The following GABRA3 variants were observed in gnomAD, a reference collection of about 807,000 sequenced individuals.
GABRA3 encodes gamma-aminobutyric acid type A receptor subunit alpha3, also known as gamma-aminobutyric acid receptor subunit alpha-3.
Under a neutral mutation model 30.1 loss-of-function variants are expected in GABRA3, and 10 were observed. That is an observed-to-expected ratio of 0.33 (90% CI 0.20 to 0.56). The LOEUF (loss-of-function observed/expected upper bound fraction) is 0.56. Ranked by LOEUF, GABRA3 falls within the 20% of genes least tolerant of loss-of-function variation. The pLI is 0.89. For missense variants in GABRA3, 233 were observed against 392.0 expected (o/e 0.59, Z 3.42); for synonymous variants, 151 against 146.8 (o/e 1.03, Z -0.21).
At chrX:152,172,951 T>TACACACAC (rs58184376) in intron 9 of GABRA3, among the ~76,000 whole-genome samples, 27 of 102,601 alleles carry the variant, frequency 2.6e-4, no homozygotes, top group African/African-American at 9.2e-4. Flanking sequence ...CGAGTATGTG[T>TACACACAC]ACACACACAC....
At chrX:152,187,225 A>G (rs1215992411) in intron 9 of GABRA3, 1 of 111,857 alleles carries the variant, frequency 8.9e-6, no homozygotes, top group Non-Finnish European at 1.9e-5. Context: ...GAAACTTAAC[A>G]GCTTTTATAA....
At chrX:152,421,403 G>A (rs962602214) in intron 1 of GABRA3, among the ~76,000 whole-genome samples, 10 of 110,870 alleles carry the variant, frequency 9.0e-5, no homozygotes, top group African/African-American at 2.9e-4. Context: ...AAATATATAC[G>A]TGTGTGTTTG....
rs562621992 is a variant in GABRA3, at chrX:152,235,008, A to C, written c.552-10163T>G. Among the ~76,000 whole-genome samples, 131 of 111,706 alleles carry C rather than the reference A, an allele frequency of 1.2e-3. 1 individual carries two copies. In the South Asian group the frequency reaches 0.013, roughly 11 times the overall value. ...GATTTTTTTCTAATTCTGTGAAAAAATGACATTGGTATTTTGGTAGGAATT... is the reference window on the plus strand; with the variant it reads ...GATTTTTTTCTAATTCTGTGAAAAACTGACATTGGTATTTTGGTAGGAATT... On this transcript the variant is annotated intron_variant, in intron 5 of 9. Transcript: ENST00000370314.
intron 6 of GABRA3, among the ~76,000 whole-genome samples, chrX:152,216,389 AACAC>A (rs60255687): frequency 0.24 from 18,240 of 77,134 alleles, 2,028 homozygotes; most frequent in South Asian, 0.28. Context: ...ATAATATATA[AACAC>A]ACACACACAC....
intron 4 of GABRA3, among the ~76,000 whole-genome samples, chrX:152,278,226 A>G (rs1474996589): frequency 9.1e-6 from 1 of 109,338 alleles, no homozygotes; most frequent in Non-Finnish European, 1.9e-5. Context: ...GTCATTTAAC[A>G]TTAGGTATAT....
chrX:152,197,253 T>C (rs1442867594), intron 8 of GABRA3, among the ~76,000 whole-genome samples: 1 of 111,545 alleles, frequency 9.0e-6, no homozygotes, highest in Non-Finnish European at 1.9e-5. Context: ...CAAACGCTCA[T>C]ACAAAAAAAG....
chrX:152,413,397 T>C (rs1352331128), intron 1 of GABRA3, among the ~76,000 whole-genome samples: 4 of 111,252 alleles, frequency 3.6e-5, no homozygotes, highest in African/African-American at 9.8e-5. Flanking sequence ...TTCATGAATA[T>C]AAACACAAAA....
At chrX:152,405,180 G>A (rs1929898237) in intron 1 of GABRA3, among the ~76,000 whole-genome samples, 1 of 107,705 alleles carries the variant, frequency 9.3e-6, no homozygotes, top group Non-Finnish European at 1.9e-5. Flanking sequence ...AGAGCAAGGT[G>A]AGTATGGGTC....
chrX:152,301,612 C>A (rs1363828458), intron 3 of GABRA3, among the ~76,000 whole-genome samples: 1 of 111,240 alleles, frequency 9.0e-6, no homozygotes, highest in East Asian at 2.8e-4. Context: ...CGGCTCACTG[C>A]AACCTCCACA....
chrX:152,422,886 G>T (rs1930410903), intron 1 of GABRA3, among the ~76,000 whole-genome samples: 1 of 2,228 alleles, frequency 4.5e-4, no homozygotes, highest in Admixed American at 0.012. Flanking sequence ...CCAAAAGGAT[G>T]TGAGGTAATG....
At chrX:152,394,518 A>G (rs759626356) in intron 1 of GABRA3, 1 of 385,226 alleles carries the variant, frequency 2.6e-6, no homozygotes, top group Non-Finnish European at 5.2e-6. Flanking sequence ...ACATGAGCTG[A>G]TACCAGGTTA....
At chrX:152,396,574 G>A (rs1929667779) in intron 1 of GABRA3, among the ~76,000 whole-genome samples, 1 of 112,020 alleles carries the variant, frequency 8.9e-6, no homozygotes, top group Non-Finnish European at 1.9e-5. Flanking sequence ...AGTACAGTGT[G>A]CTCACAATCA....
intron 4 of GABRA3, 49 bp from the exon 5 acceptor site, chrX:152,256,047 G>C (rs770826208): frequency 3.3e-6 from 3 of 919,170 alleles, no homozygotes; most frequent in South Asian, 4.0e-5. Flanking sequence ...TTCTGGTAAG[G>C]GCTCATAGTG....
chrX:152,215,646 G>A (rs143056853), intron 6 of GABRA3, among the ~76,000 whole-genome samples: 14,715 of 110,685 alleles, frequency 0.13, 766 homozygotes, highest in Admixed American at 0.22. Flanking sequence ...AAAATTACTA[G>A]AAGAAAATGT....
intron 1 of GABRA3, among the ~76,000 whole-genome samples, chrX:152,443,680 T>C (rs1343064169): frequency 1.8e-5 from 2 of 111,260 alleles, no homozygotes; most frequent in Non-Finnish European, 3.8e-5. Context: ...TTTAAAAAAG[T>C]AAAGCAAGAA....
At chrX:152,278,472 C>A (rs184313733) in intron 4 of GABRA3, among the ~76,000 whole-genome samples, 1 of 111,477 alleles carries the variant, frequency 9.0e-6, no homozygotes, top group Non-Finnish European at 1.9e-5. Flanking sequence ...GTATTCCATG[C>A]TGTATATGTG....
intron 4 of GABRA3, among the ~76,000 whole-genome samples, chrX:152,279,719 G>A (rs955437430): frequency 2.6e-4 from 29 of 111,512 alleles, no homozygotes; most frequent in African/African-American, 5.2e-4. Flanking sequence ...CCATTTTCAC[G>A]ATATTGATTC....
At chrX:152,347,868 A>T (rs1031475042) in intron 2 of GABRA3, among the ~76,000 whole-genome samples, 1 of 111,672 alleles carries the variant, frequency 9.0e-6, no homozygotes, top group Non-Finnish European at 1.9e-5. Flanking sequence ...TTAGCTAGGC[A>T]TGGTGGCACA....
At chrX:152,361,312 C>T (rs1928494344) in intron 2 of GABRA3, among the ~76,000 whole-genome samples, 1 of 109,662 alleles carries the variant, frequency 9.1e-6, no homozygotes, top group African/African-American at 3.3e-5. Context: ...CTAACACTGG[C>T]TGGGCACAGT....
Sources: allele counts gnomAD v4.1 joint callset (sites outside exome capture counted in the v4.1 genomes callset), GRCh38; gene constraint gnomAD v4.1.1; transcripts MANE v1.5; gene names NCBI Gene and HGNC (gene_info 2026-07-23, HGNC 2026-07-21).